CSMD3: variants seen among roughly 807,000 people sequenced by gnomAD.
CSMD3 encodes the protein CUB and sushi domain-containing protein 3.
Under a neutral mutation model 435.2 loss-of-function variants are expected in CSMD3, and 177 were observed. That is an observed-to-expected ratio of 0.41 (90% CI 0.36 to 0.46). The LOEUF (loss-of-function observed/expected upper bound fraction) is 0.46. CSMD3 is among the 20% of genes least tolerant of loss of function. The pLI is 0.34. For missense variants in CSMD3, 4,265 were observed against 4,504.6 expected (o/e 0.95, Z 1.52); for synonymous variants, 1,656 against 1,520.5 (o/e 1.09, Z -2.07).
At chr8:112,952,414 C>T (rs773318385) in intron 8 of CSMD3, among the ~76,000 whole-genome samples, 5 of 151,182 alleles carry the variant, frequency 3.3e-5, no homozygotes, top group Admixed American at 1.3e-4. Flanking sequence ...ATTTGAAAGA[C>T]GAATGTCAGA....
At chr8:112,910,986 T>C (rs1465516387) in intron 10 of CSMD3, among the ~76,000 whole-genome samples, 2 of 151,904 alleles carry the variant, frequency 1.3e-5, no homozygotes, top group African/African-American at 4.8e-5. Flanking sequence ...CATGACACCA[T>C]TCTCTCTGGT....
intron 10 of CSMD3, among the ~76,000 whole-genome samples, chr8:112,917,856 C>T (rs2082619565): frequency 6.6e-6 from 1 of 151,920 alleles, no homozygotes; most frequent in Non-Finnish European, 1.5e-5. Context: ...AACTGATTCC[C>T]CAGATGTGTC....
chr8:112,877,606 C>G (rs1193287994), intron 10 of CSMD3, among the ~76,000 whole-genome samples: 1 of 152,026 alleles, frequency 6.6e-6, no homozygotes, highest in Non-Finnish European at 1.5e-5. Flanking sequence ...TCCATATAGC[C>G]AAGACAATCC....
chr8:112,532,503 A>T (rs1353692888), intron 27 of CSMD3, among the ~76,000 whole-genome samples: 1 of 152,156 alleles, frequency 6.6e-6, no homozygotes, highest in East Asian at 1.9e-4. Flanking sequence ...GCTATGATAC[A>T]TTTGGCAGTA....
rs529687360 is a variant in CSMD3, at chr8:113,321,014, CTTTG to C, written c.179-6225_179-6222del. 7.6e-4 allele frequency among the ~76,000 whole-genome samples: 116 copies of C among 152,152 alleles called. No individual in the cohort carries two copies. In the East Asian group the frequency reaches 8.1e-3, roughly 11 times the overall value. On this transcript the variant is annotated intron_variant, in intron 1 of 70. Coordinates refer to ENST00000297405, the MANE Select transcript of CSMD3 (RefSeq NM_198123.2). Reference sequence around the variant, plus strand: ...CTCTTAAATCTATCTCTAGTCCCCTCTTTGTTTTTCTATTCTAAACCCTGTGGAT... The same window carrying C: ...CTCTTAAATCTATCTCTAGTCCCCTCTTTTTCTATTCTAAACCCTGTGGAT...
chr8:113,065,106 A>C (rs2088795776), intron 5 of CSMD3, among the ~76,000 whole-genome samples: 3 of 152,230 alleles, frequency 2.0e-5, no homozygotes, highest in Admixed American at 2.0e-4. Flanking sequence ...AAATGAGCTA[A>C]TTAGGTATAA....
In CSMD3 at chr8:113,058,861, T is replaced by A. The variant is rs1242012408; in HGVS notation, c.918-39682A>T. On this transcript the variant is annotated intron_variant, in intron 5 of 70. Coordinates refer to ENST00000297405, the MANE Select transcript of CSMD3 (RefSeq NM_198123.2). ...AATTAAAATATTCAATGCCACCTAC[T>A]AAAAAAACCCACACAATCAAATACA... Among the ~76,000 whole-genome samples, 7 of 152,010 alleles carry A rather than the reference T, an allele frequency of 4.6e-5. No homozygotes were observed. The East Asian group carries it at 1.4e-3, about 29-fold the overall frequency.
chr8:113,346,939 T>C (rs1361552633), intron 1 of CSMD3, among the ~76,000 whole-genome samples: 2 of 152,062 alleles, frequency 1.3e-5, no homozygotes, highest in Non-Finnish European at 2.9e-5. Flanking sequence ...CAATTCTTCT[T>C]TATGAGAAAA....
chr8:113,410,161 TTG>T (rs756818138), intron 1 of CSMD3, among the ~76,000 whole-genome samples: 1 of 152,162 alleles, frequency 6.6e-6, no homozygotes, highest in Admixed American at 6.6e-5. Context: ...TGTTTGTTTG[TTG>T]TGTGTGTGTT....
At chr8:113,435,229 CAG>C (rs2094698529) in intron 1 of CSMD3, among the ~76,000 whole-genome samples, 1 of 152,140 alleles carries the variant, frequency 6.6e-6, no homozygotes, top group South Asian at 2.1e-4. Flanking sequence ...TCTGAGGCCC[CAG>C]AGAGAAAAGA....
chr8:112,858,258 A>T (rs1432599490), intron 11 of CSMD3, among the ~76,000 whole-genome samples: 2 of 151,848 alleles, frequency 1.3e-5, no homozygotes, highest in East Asian at 3.9e-4. Flanking sequence ...ATTTCTTATG[A>T]TACTATAAAA....
At chr8:112,807,368 T>C (rs2079114076) in intron 12 of CSMD3, among the ~76,000 whole-genome samples, 1 of 152,130 alleles carries the variant, frequency 6.6e-6, no homozygotes, top group Admixed American at 6.6e-5. Flanking sequence ...AATGGCCCTA[T>C]TTAAGGTTTT....
chr8:112,244,619 A>G, intron 64 of CSMD3, 46 bp from the exon 65 acceptor site: 1 of 1,546,494 alleles, frequency 6.5e-7, no homozygotes, highest in Non-Finnish European at 8.9e-7. Flanking sequence ...TAGATATGTT[A>G]AGAAAAATTT....
intron 1 of CSMD3, among the ~76,000 whole-genome samples, chr8:113,429,402 GAAAT>G (rs1451276737): frequency 6.6e-6 from 1 of 151,766 alleles, no homozygotes; most frequent in Non-Finnish European, 1.5e-5. Flanking sequence ...CAGATTATAA[GAAAT>G]AAATAAAAAT....
chr8:113,339,710 C>A (rs1280956831), intron 1 of CSMD3, among the ~76,000 whole-genome samples: 1 of 151,964 alleles, frequency 6.6e-6, no homozygotes, highest in Non-Finnish European at 1.5e-5. Flanking sequence ...TGTTACTGAG[C>A]AACTTCATTA....
chr8:112,262,762 G>A (rs1307612885), intron 61 of CSMD3, among the ~76,000 whole-genome samples: 1 of 152,116 alleles, frequency 6.6e-6, no homozygotes, highest in African/African-American at 2.4e-5. Flanking sequence ...GGAGCAGAGT[G>A]GATGAAGGGG....
chr8:112,884,379 C>T (rs2081531099), intron 10 of CSMD3, among the ~76,000 whole-genome samples: 1 of 151,642 alleles, frequency 6.6e-6, no homozygotes, highest in African/African-American at 2.4e-5. Flanking sequence ...ACTAGATAGC[C>T]TTGTTTGTGT....
chr8:112,745,235 G>A (rs1365205313), intron 13 of CSMD3, among the ~76,000 whole-genome samples: 1 of 152,036 alleles, frequency 6.6e-6, no homozygotes, highest in Non-Finnish European at 1.5e-5. Context: ...AGTTGTAATT[G>A]AGAGAAAAAT....
chr8:112,941,345 A>ATAAGTAGG (rs562770971), intron 9 of CSMD3, among the ~76,000 whole-genome samples: 11 of 151,870 alleles, frequency 7.2e-5, no homozygotes, highest in Non-Finnish European at 1.5e-4. Flanking sequence ...TACTTTTTGT[A>ATAAGTAGG]TAAGTAGGCG....
Sources: gnomAD v4.1 joint callset for allele counts (sites outside exome capture counted in the v4.1 genomes callset) on GRCh38, gnomAD v4.1.1 for gene constraint, MANE v1.5 for transcripts, NCBI Gene and HGNC (gene_info 2026-07-23, HGNC 2026-07-21) for gene names.